The following CREG2 variants were observed in gnomAD, a reference collection of about 807,000 sequenced individuals.
CREG2 encodes the protein protein CREG2.
A neutral mutation model predicts 26.2 loss-of-function variants in CREG2; 24 were observed. The observed-to-expected ratio is 0.92, with a 90% CI of 0.66 to 1.29. The LOEUF is 1.29. Among genes scored for constraint, CREG2 ranks in the 50% most tolerant of loss-of-function variants. The pLI is 0.00. For synonymous variants in CREG2, 174 were observed against 169.2 expected (o/e 1.03, Z -0.22); for missense variants, 366 against 398.6 (o/e 0.92, Z 0.70).
chr2:101,347,257 A>G lies in CREG2; in HGVS notation c.*3666T>C, dbSNP rs1346608294. The G allele has an allele frequency of 6.6e-6, 1 of 152,210 alleles. No homozygotes were observed. 9.4% of individuals were successfully genotyped at this position (152,210 alleles called of 1,614,324 possible). A position where few individuals can be genotyped will look rare whatever the true frequency, so the allele number is the denominator to read the frequency against. ...ATCTGATTTCTCCAAGTTTTTGAAC[A>G]TTATGGATAAAACTGATATGAACAT... On this transcript the variant is annotated 3_prime_UTR_variant, in exon 4 of 4. Transcript: ENST00000324768.
Position 101,348,266 on chromosome 2 carries a change from G to C in CREG2, c.*2657C>G, listed in dbSNP as rs1056061032. On this transcript the variant is annotated 3_prime_UTR_variant, in exon 4 of 4. Coordinates refer to ENST00000324768, the MANE Select transcript of CREG2 (RefSeq NM_153836.4). Reference sequence around the variant, plus strand: ...TACCTTATTCTGCTTTTACAAGACTGTTTTAGCTATTTCAATGCCTGTGCC... The same window carrying C: ...TACCTTATTCTGCTTTTACAAGACTCTTTTAGCTATTTCAATGCCTGTGCC... 6.6e-6 allele frequency: 1 copy of C among 152,266 alleles called. No individual in the cohort carries two copies. The highest frequency in any genetic ancestry group is 1.9e-4 in the East Asian group (1 of 5,190). The allele number at this position is 152,266 out of a possible 1,614,324, so 9.4% of individuals were successfully genotyped here. A position where few individuals can be genotyped will look rare whatever the true frequency, so the allele number is the denominator to read the frequency against.
chr2:101,373,525 T>C (rs1275046778), intron 2 of CREG2, among the ~76,000 whole-genome samples: 2 of 152,200 alleles, frequency 1.3e-5, no homozygotes, highest in African/African-American at 4.8e-5. Context: ...GGGTGTCACA[T>C]CCTCATCACT....
intron 2 of CREG2, among the ~76,000 whole-genome samples, chr2:101,358,465 C>A (rs1312470079): frequency 6.6e-6 from 1 of 152,090 alleles, no homozygotes; most frequent in African/African-American, 2.4e-5. Context: ...AAAAATACTA[C>A]CACATGGGAA....
chr2:101,383,388 T>C (rs986714679), intron 2 of CREG2, 145 bp downstream of exon 2: 62 of 762,918 alleles, frequency 8.1e-5, no homozygotes, highest in Middle Eastern at 7.7e-4. Flanking sequence ...AGTGGTGGAA[T>C]TCTAATTTAT....
chr2:101,373,859 C>A (rs1249068507), intron 2 of CREG2, among the ~76,000 whole-genome samples: 1 of 152,166 alleles, frequency 6.6e-6, no homozygotes, highest in Non-Finnish European at 1.5e-5. Context: ...TCCTAGACAG[C>A]TGTTTTATTT....
chr2:101,382,504 G>A (rs1366585324), intron 2 of CREG2: 2 of 984,712 alleles, frequency 2.0e-6, no homozygotes, highest in African/African-American at 3.5e-5. Flanking sequence ...AAGCTTGACT[G>A]ACCAAGAACA....
At chr2:101,381,273 C>A (rs1684869042) in intron 2 of CREG2, among the ~76,000 whole-genome samples, 1 of 152,318 alleles carries the variant, frequency 6.6e-6, no homozygotes, top group South Asian at 2.1e-4. Context: ...TACCAGATAC[C>A]TCGCTATATT....
chr2:101,379,992 T>TATCTATC (rs1225769362), intron 2 of CREG2, among the ~76,000 whole-genome samples: 1 of 151,854 alleles, frequency 6.6e-6, no homozygotes, highest in African/African-American at 2.4e-5. Context: ...TCTATCTATC[T>TATCTATC]ATCTATCTAT....
At chr2:101,380,314 G>A (rs576793721) in intron 2 of CREG2, among the ~76,000 whole-genome samples, 1 of 152,306 alleles carries the variant, frequency 6.6e-6, no homozygotes, top group South Asian at 2.1e-4. Flanking sequence ...TATCCTTGGT[G>A]GAGATGGCGC....
chr2:101,371,200 T>C (rs1234735387), intron 2 of CREG2, among the ~76,000 whole-genome samples: 1 of 152,194 alleles, frequency 6.6e-6, no homozygotes, highest in East Asian at 1.9e-4. Context: ...TTTTTTCTTT[T>C]TCTGCATCAC....
intron 3 of CREG2, 140 bp downstream of exon 3, chr2:101,355,113 G>C: frequency 1.6e-6 from 1 of 620,324 alleles, no homozygotes; most frequent in Non-Finnish European, 3.0e-6. Context: ...CCATAGCCAG[G>C]CTGAGCTTGG....
At chr2:101,354,316 A>C (rs985087206) in intron 3 of CREG2, among the ~76,000 whole-genome samples, 1 of 152,232 alleles carries the variant, frequency 6.6e-6, no homozygotes, top group African/African-American at 2.4e-5. Flanking sequence ...GCACACTGAC[A>C]TCTGTTTCTT....
At position 101,345,877 on chromosome 2, in the gene CREG2, G is replaced by C. The variant is rs1684297447; in HGVS notation, c.*5046C>G. 2 of 149,628 alleles carry C rather than the reference G, an allele frequency of 1.3e-5. No homozygotes were observed. The highest frequency in any genetic ancestry group is 4.9e-5 in the African/African-American group (2 of 40,480). The allele number at this position is 149,628 out of a possible 1,614,324, so 9.3% of individuals were successfully genotyped here. A position where few individuals can be genotyped will look rare whatever the true frequency, so the allele number is the denominator to read the frequency against. On this transcript the variant is annotated 3_prime_UTR_variant, in exon 4 of 4. Transcript: ENST00000324768. ...GACAAAGTCTCACTCTATCACTCAAGTGTGGTGGCATGATCACAGCTCAGG... is the reference window on the plus strand; with the variant it reads ...GACAAAGTCTCACTCTATCACTCAACTGTGGTGGCATGATCACAGCTCAGG...
At chr2:101,360,171 G>C (rs935908550) in intron 2 of CREG2, among the ~76,000 whole-genome samples, 2 of 151,768 alleles carry the variant, frequency 1.3e-5, no homozygotes, top group Non-Finnish European at 2.9e-5. Flanking sequence ...TGATTTACTG[G>C]GCACTAACTA....
intron 1 of CREG2, among the ~76,000 whole-genome samples, chr2:101,385,970 A>T (rs1023903023): frequency 2.4e-4 from 37 of 152,314 alleles, no homozygotes; most frequent in African/African-American, 8.7e-4. Context: ...TTTAACCTTT[A>T]TGTCTTTTTA....
rs1295322339 is a variant in CREG2 at position 101,355,344 on chromosome 2, C to T, written c.634G>A (p.Asp212Asn). 1 of 1,613,636 alleles carries T rather than the reference C, an allele frequency of 6.2e-7. No homozygotes were observed. Among genetic ancestry groups the T allele is most frequent in the East Asian group, 2.2e-5 (1 of 44,884 alleles). Residue 212 changes from aspartate (D) to asparagine (N), a missense_variant, in exon 3 of 4, where the codon GAT (aspartate) becomes AAT (asparagine). Asp to Asn is a conservative substitution (Grantham distance 23, BLOSUM62 1). Around this residue, in one of 3 missense-constraint regions of CREG2, gnomAD observed 174 missense variants for 178.2 expected, o/e 0.98. Coordinates refer to ENST00000324768, the MANE Select transcript of CREG2 (RefSeq NM_153836.4). ...FCRKNIVDPE[D>N]PRCVQLTLTG... Reference sequence around the variant, plus strand: ...AGCGTTAACTGGACACATCGGGGATCTTCCGGATCAACGATGTTTTTTCTG... The same window carrying T: ...AGCGTTAACTGGACACATCGGGGATTTTCCGGATCAACGATGTTTTTTCTG...
rs1271620248 is a variant in CREG2, at chr2:101,347,236, G to C, written c.*3687C>G. ...ACCAGCCACCCGTTAAAGGCCATCTGATTTCTCCAAGTTTTTGAACATTAT... is the reference window on the plus strand; with the variant it reads ...ACCAGCCACCCGTTAAAGGCCATCTCATTTCTCCAAGTTTTTGAACATTAT... On this transcript the variant is annotated 3_prime_UTR_variant, in exon 4 of 4. Transcript: ENST00000324768. 6.6e-6 allele frequency: 1 copy of C among 152,140 alleles called. No homozygotes were observed. Among genetic ancestry groups the C allele is most frequent in the Non-Finnish European group, 1.5e-5 (1 of 68,036 alleles). The allele number at this position is 152,140 out of a possible 1,614,324, so 9.4% of individuals were successfully genotyped here. A position where few individuals can be genotyped will look rare whatever the true frequency, so the allele number is the denominator to read the frequency against.
At chr2:101,385,010 C>T (rs755043077) in intron 1 of CREG2, among the ~76,000 whole-genome samples, 17 of 152,154 alleles carry the variant, frequency 1.1e-4, no homozygotes, top group Non-Finnish European at 1.9e-4. Context: ...GATGCTGCAC[C>T]ATGCTTTCTG....
At chr2:101,351,183 C>T (rs1684376278) in intron 3 of CREG2, 113 bp from the exon 4 acceptor site, 3 of 1,041,228 alleles carry the variant, frequency 2.9e-6, no homozygotes, top group Non-Finnish European at 4.1e-6. Context: ...CAGCTGCTCA[C>T]ATCAGCCAGA....
Sources: gnomAD v4.1 joint callset for allele counts (sites outside exome capture counted in the v4.1 genomes callset) on GRCh38, gnomAD v4.1.1 for gene constraint, gnomAD v4.1.1 regional missense constraint, MANE v1.5 for transcripts, NCBI Gene and HGNC (gene_info 2026-07-23, HGNC 2026-07-21) for gene names.